The following NBAS variants were observed in gnomAD, a reference collection of about 807,000 sequenced individuals.
NBAS encodes the protein NBAS subunit of NRZ tethering complex.
A neutral mutation model predicts 302.5 loss-of-function variants in NBAS; 219 were observed. The ratio of observed to expected loss-of-function variants is 0.72; its 90% CI spans 0.65 to 0.81. NBAS has a LOEUF of 0.81. Among genes scored for constraint, NBAS ranks in the 30% least tolerant of loss-of-function variants. The pLI is 0.00. For missense variants in NBAS, 2,932 were observed against 2,841.6 expected (o/e 1.03, Z -0.72); for synonymous variants, 1,118 against 1,021.6 (o/e 1.09, Z -1.80).
the NBAS span, among the ~76,000 whole-genome samples, chr2:14,953,306 G>A: frequency 1.3e-5 from 2 of 152,242 alleles, no homozygotes; most frequent in Non-Finnish European, 2.9e-5. Flanking sequence ...GGCAGTAAGA[G>A]AGGGAGAAAA....
At chr2:14,962,539 T>C in the NBAS span, among the ~76,000 whole-genome samples, 3 of 152,252 alleles carry the variant, frequency 2.0e-5, no homozygotes, top group South Asian at 6.2e-4. Flanking sequence ...CATGGAGGGA[T>C]AGATTCTTTT....
At chr2:15,002,561 G>A in the NBAS span, among the ~76,000 whole-genome samples, 1 of 152,342 alleles carries the variant, frequency 6.6e-6, no homozygotes, top group Non-Finnish European at 1.5e-5. Context: ...GGTGGTCGAT[G>A]GGACTGGGTG....
chr2:15,412,361 G>C (rs1676723802), intron 25 of NBAS, among the ~76,000 whole-genome samples: 1 of 152,170 alleles, frequency 6.6e-6, no homozygotes, highest in Non-Finnish European at 1.5e-5. Flanking sequence ...GAGAGAAAAG[G>C]GGACTGTTCT....
At chr2:15,151,040 T>C in the NBAS span, among the ~76,000 whole-genome samples, 1 of 152,240 alleles carries the variant, frequency 6.6e-6, no homozygotes, top group East Asian at 1.9e-4. Context: ...CTTGTCAATA[T>C]CCTCCAATCA....
intron 9 of NBAS, among the ~76,000 whole-genome samples, chr2:15,513,624 C>A (rs1269615958): frequency 6.8e-6 from 1 of 147,718 alleles, no homozygotes; most frequent in African/African-American, 2.5e-5. Context: ...TTTTTCAGAA[C>A]CCACACACAC....
Position 15,352,088 on chromosome 2 carries a change from C to T in NBAS, c.4090-7G>A, listed in dbSNP as rs1028263441. On this transcript the variant is annotated splice_polypyrimidine_tract_variant and splice_region_variant and intron_variant, in intron 34 of 51. Coordinates refer to ENST00000281513, the MANE Select transcript of NBAS (RefSeq NM_015909.4). The stretch of plus-strand genomic sequence containing the variant: ...TCACTCTTTGATAAAGAATCTAAAA[C>T]AAGAATAGGCTATATTGTAAAGGAG... 6 of 1,576,296 alleles carry T rather than the reference C, an allele frequency of 3.8e-6. No homozygotes were observed. The Admixed American group carries it at 5.0e-5, about 13-fold the overall frequency.
At chr2:14,832,933 G>A in the NBAS span, among the ~76,000 whole-genome samples, 178 of 152,188 alleles carry the variant, frequency 1.2e-3, 3 homozygotes, top group Admixed American at 9.9e-3. Flanking sequence ...CCATAACCTC[G>A]TTGGATAGTT....
chr2:15,112,268 G>A, the NBAS span, among the ~76,000 whole-genome samples: 18 of 151,936 alleles, frequency 1.2e-4, 1 homozygote, highest in African/African-American at 4.1e-4. Flanking sequence ...TTAAAAAATT[G>A]CTTTTAGAAA....
chr2:15,535,157 A>T (rs1382402379), intron 8 of NBAS, among the ~76,000 whole-genome samples: 1 of 152,224 alleles, frequency 6.6e-6, no homozygotes, highest in Non-Finnish European at 1.5e-5. Context: ...ATTCCTAGGC[A>T]TCCCTGGGGA....
the NBAS span, among the ~76,000 whole-genome samples, chr2:14,924,705 A>T: frequency 6.6e-6 from 1 of 152,170 alleles, no homozygotes; most frequent in Admixed American, 6.5e-5. Context: ...TCTCAAAGAC[A>T]TATTAACTCC....
the NBAS span, among the ~76,000 whole-genome samples, chr2:15,153,148 T>C: frequency 1.3e-5 from 2 of 152,220 alleles, no homozygotes; most frequent in Non-Finnish European, 2.9e-5. Flanking sequence ...AGACACTTCA[T>C]CCCAGTTAGC....
rs188460043 is a variant in NBAS, at chr2:15,497,457, T to C, written c.954+6688A>G. 1.8e-4 allele frequency among the ~76,000 whole-genome samples: 28 copies of C among 152,258 alleles called. 1 individual carries two copies. In the East Asian group the frequency reaches 5.4e-3, roughly 29 times the overall value. ...TGTTAGATTAGATTAGATGGGGGGATGAAGGACTGGCTAGTGTCAGCAATA... is the reference window on the plus strand; with the variant it reads ...TGTTAGATTAGATTAGATGGGGGGACGAAGGACTGGCTAGTGTCAGCAATA... On this transcript the variant is annotated intron_variant, in intron 11 of 51. Coordinates refer to ENST00000281513, the MANE Select transcript of NBAS (RefSeq NM_015909.4).
chr2:15,041,538 A>C, the NBAS span, among the ~76,000 whole-genome samples: 3 of 152,192 alleles, frequency 2.0e-5, no homozygotes, highest in Admixed American at 6.5e-5. Flanking sequence ...AGGGAAACAA[A>C]CCAGGCCAAA....
At chr2:14,858,748 G>C in the NBAS span, among the ~76,000 whole-genome samples, 2 of 151,894 alleles carry the variant, frequency 1.3e-5, no homozygotes, top group Non-Finnish European at 2.9e-5. Context: ...ATAAGAACTA[G>C]TACTTGCTAG....
chr2:14,831,886 A>G, the NBAS span, among the ~76,000 whole-genome samples: 1 of 152,190 alleles, frequency 6.6e-6, no homozygotes, highest in African/African-American at 2.4e-5. Flanking sequence ...GATACTCCAT[A>G]GACATTAGAC....
intron 51 of NBAS, chr2:15,178,137 C>T (rs1159070585): frequency 2.1e-6 from 1 of 470,556 alleles, no homozygotes; most frequent in Non-Finnish European, 4.4e-6. Context: ...CTCCTTCCTT[C>T]TCTGGTCCCT....
At chr2:14,792,980 A>G in the NBAS span, among the ~76,000 whole-genome samples, 1 of 152,304 alleles carries the variant, frequency 6.6e-6, no homozygotes, top group East Asian at 1.9e-4. Context: ...CAATAAAGTC[A>G]TAAGAATAGG....
intron 1 of NBAS, among the ~76,000 whole-genome samples, chr2:15,560,379 T>C (rs1664854589): frequency 6.6e-6 from 1 of 152,162 alleles, no homozygotes. Flanking sequence ...TCAACCTCTA[T>C]AACCCTTCTG....
chr2:14,818,744 G>A, the NBAS span, among the ~76,000 whole-genome samples: 3 of 152,144 alleles, frequency 2.0e-5, no homozygotes, highest in Admixed American at 6.5e-5. Context: ...GGAGAAAAAC[G>A]AATCTTCAAC....
Sources: gnomAD v4.1 joint callset for allele counts (sites outside exome capture counted in the v4.1 genomes callset) on GRCh38, gnomAD v4.1.1 for gene constraint, MANE v1.5 for transcripts, NCBI Gene and HGNC (gene_info 2026-07-23, HGNC 2026-07-21) for gene names.